Variants in TMEM64 observed in about 807,000 individuals in gnomAD.
The protein encoded by TMEM64 is transmembrane protein 64.
Under a neutral mutation model 24.5 loss-of-function variants are expected in TMEM64, and 19 were observed. The observed-to-expected ratio is 0.78, with a 90% CI of 0.54 to 1.14. The LOEUF is 1.14. Among genes scored for constraint, TMEM64 ranks in the 50% most tolerant of loss-of-function variants. The pLI is 0.00. For missense variants in TMEM64, 487 were observed against 493.0 expected, an observed-to-expected ratio of 0.99 and a Z score of 0.12; for synonymous variants, 262 against 224.7, an observed-to-expected ratio of 1.17 and a Z score of -1.49.
rs1809342131 is a variant in TMEM64 at position 90,625,470 on chromosome 8, C to T, written c.*201G>A. The T allele has an allele frequency of 2.0e-6, 1 of 494,900 alleles. No homozygotes were observed. Among genetic ancestry groups the T allele is most frequent in the Non-Finnish European group, 3.6e-6 (1 of 278,760 alleles). 30.7% of individuals were successfully genotyped at this position (494,900 alleles called of 1,614,324 possible). On this transcript the variant is annotated 3_prime_UTR_variant, in exon 3 of 3. Coordinates refer to ENST00000458549, the MANE Select transcript of TMEM64 (RefSeq NM_001008495.4). ...CCAATACAGGCATGATAAAGAGGTG[C>T]AGCCAAATTTGCATCTACATTTACA...
chr8:90,634,545 T>G (rs925940455), intron 1 of TMEM64, among the ~76,000 whole-genome samples: 3 of 152,194 alleles, frequency 2.0e-5, no homozygotes, highest in African/African-American at 7.2e-5. Flanking sequence ...ATATTGGGAT[T>G]AAGGCAAATC....
Position 90,645,721 on chromosome 8 carries a change from G to T in TMEM64, c.185C>A (p.Ser62Ter). 3 of 1,193,766 alleles carry T rather than the reference G, an allele frequency of 2.5e-6. No individual in the cohort carries two copies. Among genetic ancestry groups the T allele is most frequent in the African/African-American group, 1.6e-5 (1 of 62,594 alleles). The allele number at this position is 1,193,766 out of a possible 1,614,324, so 73.9% of individuals were successfully genotyped here. The change falls in exon 1 of 3, where the codon TCG (serine) becomes TAG (stop). Residue 62 changes from serine to a stop codon, truncating the protein, a stop_gained. Transcript: ENST00000458549. LOFTEE classifies it high-confidence loss of function. This position sits in a 1 kb window ranked among gnomAD's most constrained non-coding sequence, Gnocchi z 4.2. Reference sequence around the variant, plus strand: ...CAGATAGGCGCCGAGCAGGGCGCCCGAGGCCGCCGCTGCTGCCGCCGCCGC... The same window carrying T: ...CAGATAGGCGCCGAGCAGGGCGCCCTAGGCCGCCGCTGCTGCCGCCGCCGC... ...ASAAAAAAAA[S>*]GALLGAYLER...
intron 1 of TMEM64, among the ~76,000 whole-genome samples, chr8:90,639,091 G>A (rs1172680852): frequency 6.7e-6 from 1 of 148,868 alleles, no homozygotes; most frequent in Non-Finnish European, 1.5e-5. Flanking sequence ...TGAGAGTACT[G>A]AAAAAAGTCT....
intron 1 of TMEM64, among the ~76,000 whole-genome samples, chr8:90,634,554 T>C (rs73692316): frequency 0.037 from 5,628 of 152,288 alleles, 296 homozygotes; most frequent in African/African-American, 0.13. Flanking sequence ...TTAAGGCAAA[T>C]CTGCAAATTA....
chr8:90,642,697 T>C (rs993787271), intron 1 of TMEM64, among the ~76,000 whole-genome samples: 2 of 152,180 alleles, frequency 1.3e-5, no homozygotes, highest in Non-Finnish European at 2.9e-5. Flanking sequence ...TTCAGAACAA[T>C]AGGTATAAAC....
chr8:90,632,113 G>A (rs1468647560), intron 1 of TMEM64, among the ~76,000 whole-genome samples: 1 of 152,166 alleles, frequency 6.6e-6, no homozygotes, highest in Non-Finnish European at 1.5e-5. Context: ...GCATTCTGGT[G>A]CTGATAATTC....
Position 90,626,876 on chromosome 8 carries a change from C to T in TMEM64, c.952-1014G>A, listed in dbSNP as rs186879669. Among the ~76,000 whole-genome samples, 1,109 of 152,242 alleles carry T rather than the reference C, an allele frequency of 7.3e-3. 13 individuals are homozygous for T. Among genetic ancestry groups the T allele is most frequent in the Non-Finnish European group, 0.012 (848 of 68,010 alleles). ...AACTCCTGACCTCATGATCTGCCTG[C>T]CTCAGCCTCCCAAAGTGCTGGGATT... On this transcript the variant is annotated intron_variant, in intron 2 of 2. Transcript: ENST00000458549.
chr8:90,636,532 G>A (rs368974495), intron 1 of TMEM64, among the ~76,000 whole-genome samples: 106 of 152,310 alleles, frequency 7.0e-4, no homozygotes, highest in African/African-American at 2.4e-3. Flanking sequence ...GGGATTACAC[G>A]CGTGAGCCAC....
At chr8:90,628,798 C>T (rs964509391) in intron 2 of TMEM64, among the ~76,000 whole-genome samples, 1 of 152,126 alleles carries the variant, frequency 6.6e-6, no homozygotes, top group African/African-American at 2.4e-5. Context: ...AAAGAAAATG[C>T]TCATTCGAAC....
intron 1 of TMEM64, among the ~76,000 whole-genome samples, chr8:90,639,479 TC>T (rs767981467): frequency 1.1e-4 from 17 of 152,154 alleles, no homozygotes; most frequent in Non-Finnish European, 1.8e-4. Context: ...AAGCTTTTCT[TC>T]ATACAGTCTG....
At position 90,625,657 on chromosome 8, in the gene TMEM64, G is replaced by A. The variant is rs776823600; in HGVS notation, c.*14C>T. The A allele has an allele frequency of 2.8e-5, 45 of 1,608,096 alleles. 2 individuals are homozygous for A. The highest frequency in any genetic ancestry group is 2.3e-4 in the South Asian group (21 of 90,494). Reference sequence around the variant, plus strand: ...AGCACACTAGGCTCTTGACAATCACGTATCTCATTAGAATCATACAACATT... The same window carrying A: ...AGCACACTAGGCTCTTGACAATCACATATCTCATTAGAATCATACAACATT... On this transcript the variant is annotated 3_prime_UTR_variant, in exon 3 of 3. Coordinates refer to ENST00000458549, the MANE Select transcript of TMEM64 (RefSeq NM_001008495.4).
chr8:90,626,588 C>T (rs1809362845), intron 2 of TMEM64, among the ~76,000 whole-genome samples: 1 of 150,906 alleles, frequency 6.6e-6, no homozygotes, highest in African/African-American at 2.4e-5. Flanking sequence ...TTCTCATTGT[C>T]CTATAGGAAG....
Position 90,623,120 on chromosome 8 carries a change from A to G in TMEM64, c.*2551T>C, listed in dbSNP as rs181290934. 2.0e-5 allele frequency: 3 copies of G among 152,312 alleles called. No individual in the cohort carries two copies. The East Asian group carries it at 5.8e-4, about 29-fold the overall frequency. 9.4% of individuals were successfully genotyped at this position (152,312 alleles called of 1,614,324 possible). A position where few individuals can be genotyped will look rare whatever the true frequency, so the allele number is the denominator to read the frequency against. On this transcript the variant is annotated 3_prime_UTR_variant, in exon 3 of 3. Coordinates refer to ENST00000458549, the MANE Select transcript of TMEM64 (RefSeq NM_001008495.4). ...AACTTAAGAAAACTCCCAAAGAATTAAAAAAGAACACATATTTCATAGGAT... is the reference window on the plus strand; with the variant it reads ...AACTTAAGAAAACTCCCAAAGAATTGAAAAAGAACACATATTTCATAGGAT...
At chr8:90,631,059 C>T (rs767477153) in intron 2 of TMEM64, among the ~76,000 whole-genome samples, 14 of 152,084 alleles carry the variant, frequency 9.2e-5, no homozygotes, top group Non-Finnish European at 1.3e-4. Context: ...GACATTTTTA[C>T]GAGGTAATAC....
chr8:90,640,025 A>G (rs1809580861), intron 1 of TMEM64, among the ~76,000 whole-genome samples: 1 of 152,190 alleles, frequency 6.6e-6, no homozygotes, highest in Non-Finnish European at 1.5e-5. Flanking sequence ...AGAGGGGAAA[A>G]CAGTTTCAAG....
intron 1 of TMEM64, among the ~76,000 whole-genome samples, chr8:90,634,833 A>G (rs1197773466): frequency 2.6e-5 from 4 of 152,186 alleles, no homozygotes; most frequent in African/African-American, 9.7e-5. Flanking sequence ...CTTTTTTACA[A>G]ATTTTAAAAT....
At chr8:90,644,471 T>C (rs1023057189) in intron 1 of TMEM64, among the ~76,000 whole-genome samples, 2 of 152,046 alleles carry the variant, frequency 1.3e-5, no homozygotes, top group Admixed American at 1.3e-4. Flanking sequence ...GAAAAATATA[T>C]GCTAACTGAG....
At position 90,623,555 on chromosome 8, in the gene TMEM64, AT is replaced by A. The variant is rs2130490900; in HGVS notation, c.*2115del. The A allele has an allele frequency of 6.5e-6, 1 of 152,702 alleles. No individual in the cohort carries two copies. The highest frequency in any genetic ancestry group is 6.5e-5 in the Admixed American group (1 of 15,286). The allele number at this position is 152,702 out of a possible 1,614,324, so 9.5% of individuals were successfully genotyped here. On this transcript the variant is annotated 3_prime_UTR_variant, in exon 3 of 3. Coordinates refer to ENST00000458549, the MANE Select transcript of TMEM64 (RefSeq NM_001008495.4). ...CAATCCATACTATTTTAAGAAAAAA[AT>A]GGATGATTTATTATATAAAATTAAG...
Sources: gnomAD v4.1 joint callset for allele counts (sites outside exome capture counted in the v4.1 genomes callset) on GRCh38, gnomAD v4.1.1 for gene constraint, Gnocchi (gnomAD v3.1) non-coding constraint, MANE v1.5 for transcripts, NCBI Gene and HGNC (gene_info 2026-07-23, HGNC 2026-07-21) for gene names.